The following GREM2 variants were observed in gnomAD, a reference collection of about 807,000 sequenced individuals.
GREM2 encodes the protein gremlin-2.
GREM2 carries 11 observed loss-of-function variants against 14.2 expected under a neutral mutation model. The observed-to-expected ratio is 0.78, with a 90% CI of 0.49 to 1.28. The LOEUF is 1.28. Ranked by LOEUF, GREM2 falls within the 50% of genes most tolerant of loss-of-function variation. The probability of loss-of-function intolerance (pLI) is 0.00; values close to 1 mark genes in which losing one functional copy is unlikely to be tolerated. For missense variants in GREM2, 210 were observed against 218.5 expected (o/e 0.96, Z 0.24); for synonymous variants, 98 against 97.6 (o/e 1.00, Z -0.02).
rs149299291 is a variant in GREM2, at chr1:240,493,241, G to T, written c.235C>A (p.Arg79=). The change falls in exon 2 of 2, where the codon CGG becomes AGG. Residue 79 remains arginine, a synonymous_variant. Coordinates refer to ENST00000318160, the MANE Select transcript of GREM2 (RefSeq NM_022469.4). The part of the protein sequence containing the change: ...KSDWCKTQPL[R]QTVSEEGCRS... Reference sequence around the variant, plus strand: ...CAGCCCTCCTCGCTCACCGTCTGCCGCAGCGGCTGCGTCTTGCACCAGTCA... The same window carrying T: ...CAGCCCTCCTCGCTCACCGTCTGCCTCAGCGGCTGCGTCTTGCACCAGTCA... 9 of 1,613,958 alleles carry T rather than the reference G, an allele frequency of 5.6e-6. No individual in the cohort carries two copies. In the African/African-American group the frequency reaches 9.3e-5, roughly 17 times the overall value.
intron 1 of GREM2, among the ~76,000 whole-genome samples, chr1:240,585,161 A>G (rs964434329): frequency 5.3e-5 from 8 of 152,178 alleles, no homozygotes; most frequent in East Asian, 3.9e-4. Flanking sequence ...CAATTTAGGC[A>G]ATGTAGGTAA....
At position 240,540,852 on chromosome 1, in the gene GREM2, C is replaced by T. The variant is rs888380015; in HGVS notation, c.-1-47376G>A. 5.9e-5 allele frequency among the ~76,000 whole-genome samples: 9 copies of T among 152,116 alleles called. No homozygotes were observed. Among genetic ancestry groups the T allele is most frequent in the East Asian group, 1.9e-4 (1 of 5,162 alleles). ...CTGGGATTACAGGTGTGAGCCACCA[C>T]GCCAGGCCGCATAATACTTCTTAAA... On this transcript the variant is annotated intron_variant, in intron 1 of 1. Coordinates refer to ENST00000318160, the MANE Select transcript of GREM2 (RefSeq NM_022469.4). This position sits in a 1 kb window ranked among gnomAD's most constrained non-coding sequence, Gnocchi z 4.2.
Position 240,542,030 on chromosome 1 carries a change from C to T in GREM2, c.-1-48554G>A, listed in dbSNP as rs1444244028. On this transcript the variant is annotated intron_variant, in intron 1 of 1. Transcript: ENST00000318160. This position sits in a 1 kb window ranked among gnomAD's most constrained non-coding sequence, Gnocchi z 4.1. ...GTTTTAAACTGGTTGTGATTTTGCC[C>T]CTCAGGGGACATTTGTCAATGTGTG... Among the ~76,000 whole-genome samples the T allele has an allele frequency of 6.6e-6, 1 of 152,010 alleles. No individual in the cohort carries two copies. The highest frequency in any genetic ancestry group is 1.5e-5 in the Non-Finnish European group (1 of 68,016).
At chr1:240,593,908 G>A (rs1284644465) in intron 1 of GREM2, among the ~76,000 whole-genome samples, 1 of 151,778 alleles carries the variant, frequency 6.6e-6, no homozygotes, top group African/African-American at 2.4e-5. Flanking sequence ...CTTTCAATTT[G>A]AAAAGTAGTC....
chr1:240,519,963 C>A (rs1678042883), intron 1 of GREM2, among the ~76,000 whole-genome samples: 1 of 152,076 alleles, frequency 6.6e-6, no homozygotes, highest in Non-Finnish European at 1.5e-5. Flanking sequence ...GCCTGTAATC[C>A]CAGCTACTCA....
intron 1 of GREM2, among the ~76,000 whole-genome samples, chr1:240,538,733 C>T (rs184704098): frequency 1.3e-5 from 2 of 152,092 alleles, no homozygotes; most frequent in African/African-American, 4.8e-5. Flanking sequence ...AACAAACAAA[C>T]AAACAACAAA....
intron 1 of GREM2, among the ~76,000 whole-genome samples, chr1:240,511,011 T>C (rs1348442189): frequency 6.6e-6 from 1 of 152,234 alleles, no homozygotes. Context: ...TCAATGACTA[T>C]CTAATCTAAC....
chr1:240,515,830 G>A (rs1677942607), intron 1 of GREM2, among the ~76,000 whole-genome samples: 1 of 152,124 alleles, frequency 6.6e-6, no homozygotes, highest in Admixed American at 6.5e-5. Flanking sequence ...GTTTGCATTG[G>A]TCCTGGAAGT....
intron 1 of GREM2, among the ~76,000 whole-genome samples, chr1:240,509,439 G>T (rs913628156): frequency 6.7e-6 from 1 of 149,380 alleles, no homozygotes; most frequent in Non-Finnish European, 1.5e-5. Flanking sequence ...CACGATCTTG[G>T]CTCACTGCAA....
At chr1:240,529,096 G>C (rs1459639084) in intron 1 of GREM2, among the ~76,000 whole-genome samples, 1 of 152,104 alleles carries the variant, frequency 6.6e-6, no homozygotes, top group Non-Finnish European at 1.5e-5. Context: ...GTCTATAAAG[G>C]GCTTGGGAAG....
intron 1 of GREM2, among the ~76,000 whole-genome samples, chr1:240,495,493 T>C (rs1677391400): frequency 6.6e-6 from 1 of 152,218 alleles, no homozygotes; most frequent in African/African-American, 2.4e-5. Context: ...CTAATGGTAA[T>C]AGCAAATATT....
In GREM2 at chr1:240,491,929, G is replaced by A. The variant is rs1677261466; in HGVS notation, c.*1040C>T. ...AATGCTTAGTAACGTCAGTGAAATA[G>A]TATTCAAAGTAAAAATCACGACTCC... is the stretch of plus-strand genomic sequence containing the variant. On this transcript the variant is annotated 3_prime_UTR_variant, in exon 2 of 2. Transcript: ENST00000318160. The A allele has an allele frequency of 5.9e-6, 1 of 169,312 alleles. No homozygotes were observed. Among genetic ancestry groups the A allele is most frequent in the African/African-American group, 2.4e-5 (1 of 42,114 alleles). The allele number at this position is 169,312 out of a possible 1,614,324, so 10.5% of individuals were successfully genotyped here. A position where few individuals can be genotyped will look rare whatever the true frequency, so the allele number is the denominator to read the frequency against.
chr1:240,604,448 G>A (rs985691478), intron 1 of GREM2, among the ~76,000 whole-genome samples: 3 of 152,038 alleles, frequency 2.0e-5, no homozygotes, highest in African/African-American at 7.2e-5. Flanking sequence ...TTAAGTACTA[G>A]GTAAGTGTAA....
intron 1 of GREM2, among the ~76,000 whole-genome samples, chr1:240,528,688 G>A (rs539053539): frequency 6.6e-5 from 10 of 152,188 alleles, no homozygotes; most frequent in East Asian, 3.9e-4. Flanking sequence ...GTTTCTCACC[G>A]GCCCCTCCAG....
intron 1 of GREM2, among the ~76,000 whole-genome samples, chr1:240,601,763 C>A (rs1335791191): frequency 2.0e-5 from 3 of 151,936 alleles, no homozygotes; most frequent in African/African-American, 7.3e-5. Flanking sequence ...AAAAATTAGC[C>A]AGGCATGGTG....
chr1:240,529,777 A>G (rs1678312042), intron 1 of GREM2, among the ~76,000 whole-genome samples: 1 of 152,168 alleles, frequency 6.6e-6, no homozygotes, highest in Non-Finnish European at 1.5e-5. Flanking sequence ...ACTCCCAAGC[A>G]ATGTCTGCGT....
chr1:240,593,687 A>G (rs1279941211), intron 1 of GREM2, among the ~76,000 whole-genome samples: 1 of 152,184 alleles, frequency 6.6e-6, no homozygotes, highest in Non-Finnish European at 1.5e-5. Context: ...AATCCTTCAC[A>G]GGGCCTAGCC....
At chr1:240,517,577 G>C (rs1677980641) in intron 1 of GREM2, among the ~76,000 whole-genome samples, 2 of 152,164 alleles carry the variant, frequency 1.3e-5, no homozygotes, top group African/African-American at 2.4e-5. Flanking sequence ...TGGGCTAAGA[G>C]CTTCATAGCA....
At chr1:240,599,910 C>T (rs1366154553) in intron 1 of GREM2, among the ~76,000 whole-genome samples, 1 of 152,162 alleles carries the variant, frequency 6.6e-6, no homozygotes, top group Non-Finnish European at 1.5e-5. Flanking sequence ...CCAAATGAAA[C>T]AACAACAACA....
Sources: gnomAD v4.1 joint callset for allele counts (sites outside exome capture counted in the v4.1 genomes callset) on GRCh38, gnomAD v4.1.1 for gene constraint, Gnocchi (gnomAD v3.1) non-coding constraint, MANE v1.5 for transcripts, NCBI Gene and HGNC (gene_info 2026-07-23, HGNC 2026-07-21) for gene names.